Variants in CFHR3 observed in about 807,000 individuals in gnomAD.
CFHR3 encodes complement factor H related 3, also known as complement factor H-related protein 3.
A neutral mutation model predicts 36.0 loss-of-function variants in CFHR3; 22 were observed. The observed-to-expected ratio is 0.61, with a 90% CI of 0.44 to 0.87. The LOEUF is 0.87. Among genes scored for constraint, CFHR3 ranks in the 40% least tolerant of loss-of-function variants. The probability of loss-of-function intolerance (pLI) is 0.00; values close to 1 mark genes in which losing one functional copy is unlikely to be tolerated. For missense variants in CFHR3, 276 were observed against 401.3 expected, an observed-to-expected ratio of 0.69 and a Z score of 2.67; for synonymous variants, 97 against 137.4, an observed-to-expected ratio of 0.71 and a Z score of 2.06.
rs888010245 is a variant in CFHR3, at chr1:196,776,408, C to T, written c.58+1464C>T. Reference sequence around the variant, plus strand: ...TGTGAATTCAGTAGCATTGGCTCAACTGCATCCCGCCAAAATTCATTTGTT... The same window carrying T: ...TGTGAATTCAGTAGCATTGGCTCAATTGCATCCCGCCAAAATTCATTTGTT... On this transcript the variant is annotated intron_variant, in intron 1 of 5. Transcript: ENST00000367425. Among the ~76,000 whole-genome samples, 4 of 137,602 alleles carry T rather than the reference C, an allele frequency of 2.9e-5. 1 individual carries two copies. The highest frequency in any genetic ancestry group is 4.6e-5 in the Non-Finnish European group (3 of 64,638). The allele number at this position is 137,602 out of a possible 152,430, so 90.3% of individuals were successfully genotyped here.
chr1:196,785,988 T>A (rs1315410506), intron 3 of CFHR3, among the ~76,000 whole-genome samples: 2 of 135,724 alleles, frequency 1.5e-5, no homozygotes, highest in Non-Finnish European at 3.1e-5. Flanking sequence ...TTGGTGTGGA[T>A]GTCCTTTCTG....
At position 196,788,357 on chromosome 1, in the gene CFHR3, C is replaced by T. The variant is rs1368448906; in HGVS notation, c.572C>T (p.Thr191Ile). ...TADGNSSGSI[T>I]CLQNGWSAQP... ...GATGGAAATTCTTCAGGATCAATTA[C>T]ATGTTTGCAAAATGGATGGTCAGCA... Residue 191 changes from threonine to isoleucine, a missense_variant, in exon 4 of 6, where the codon ACA (threonine) becomes ATA (isoleucine). Transcript: ENST00000367425. 5.2e-6 allele frequency: 8 copies of T among 1,530,070 alleles called. 3 individuals are homozygous for T. The African/African-American group carries it at 1.2e-4, about 22-fold the overall frequency. The allele number at this position is 1,530,070 out of a possible 1,614,324, so 94.8% of individuals were successfully genotyped here.
intron 1 of CFHR3, among the ~76,000 whole-genome samples, chr1:196,776,859 A>G (rs1653743094): frequency 7.4e-6 from 1 of 135,320 alleles, no homozygotes; most frequent in African/African-American, 3.1e-5. Context: ...ATACCCACCA[A>G]CACAGATTTT....
Position 196,786,615 on chromosome 1 carries a change from G to A in CFHR3, c.431-1601G>A, listed in dbSNP as rs575262463. ...GCATAGGACCCTCTGAGCCAGGTGA[G>A]CGATATAATCTCCTGGTGTGCCGTT... On this transcript the variant is annotated intron_variant, in intron 3 of 5. Transcript: ENST00000367425. 9.4e-4 allele frequency among the ~76,000 whole-genome samples: 129 copies of A among 136,564 alleles called. 17 individuals are homozygous for A. In the East Asian group the frequency reaches 0.022, roughly 23 times the overall value. 89.6% of individuals were successfully genotyped at this position (136,564 alleles called of 152,430 possible).
At chr1:196,786,311 GA>G (rs1373365451) in intron 3 of CFHR3, among the ~76,000 whole-genome samples, 1 of 135,046 alleles carries the variant, frequency 7.4e-6, no homozygotes, top group Non-Finnish European at 1.6e-5. Flanking sequence ...TGCGTGCTGG[GA>G]GAACCACTGC....
Position 196,793,577 on chromosome 1 carries a change from T to C in CFHR3, c.*64T>C, listed in dbSNP as rs1207112410. ...TTTTCCACTTCTCACTCTTATGGTC[T>C]CAAAGCTTGCAAAGATAGCTTCTGA... On this transcript the variant is annotated 3_prime_UTR_variant, in exon 6 of 6. Transcript: ENST00000367425. The C allele has an allele frequency of 8.7e-6, 12 of 1,380,160 alleles. No homozygotes were observed. In the East Asian group the frequency reaches 2.7e-4, roughly 32 times the overall value. The allele number at this position is 1,380,160 out of a possible 1,614,324, so 85.5% of individuals were successfully genotyped here.
rs1342045779 is a variant in CFHR3 at position 196,777,171 on chromosome 1, C to T, written c.59-1991C>T. ...AAACTTGACAGAAAATTTGTAATTG[C>T]AACCTATTATAATGTTCATTGAATT... On this transcript the variant is annotated intron_variant, in intron 1 of 5. Transcript: ENST00000367425. Among the ~76,000 whole-genome samples, 19 of 136,514 alleles carry T rather than the reference C, an allele frequency of 1.4e-4. 6 individuals carry two copies. Among genetic ancestry groups the T allele is most frequent in the African/African-American group, 5.8e-4 (19 of 32,638 alleles). The allele number at this position is 136,514 out of a possible 152,430, so 89.6% of individuals were successfully genotyped here. A position where few individuals can be genotyped will look rare whatever the true frequency, so the allele number is the denominator to read the frequency against.
In CFHR3 at chr1:196,793,446, A is replaced by T; in HGVS notation, c.926A>T (p.Asn309Ile). The T allele has an allele frequency of 3.3e-6, 5 of 1,527,530 alleles. 1 individual carries two copies. The highest frequency in any genetic ancestry group is 3.5e-6 in the Non-Finnish European group (4 of 1,129,632). The allele number at this position is 1,527,530 out of a possible 1,614,324, so 94.6% of individuals were successfully genotyped here. A position where few individuals can be genotyped will look rare whatever the true frequency, so the allele number is the denominator to read the frequency against. ...ATGTGTAAATTGGGATATAATGCAA[A>T]TACATCAATTCTATCATTTCAAGCA... Reference protein sequence around the residue: ...EFMCKLGYNANTSILSFQAVC... With the variant: ...EFMCKLGYNAITSILSFQAVC... Residue 309 changes from asparagine (N) to isoleucine (I), a missense_variant, in exon 6 of 6, where the codon AAT becomes ATT. Asn to Ile is a moderately radical substitution (Grantham distance 149, BLOSUM62 -3). Coordinates refer to ENST00000367425, the MANE Select transcript of CFHR3 (RefSeq NM_021023.6).
intron 3 of CFHR3, among the ~76,000 whole-genome samples, chr1:196,783,893 T>G (rs536408052): frequency 7.4e-6 from 1 of 135,340 alleles, no homozygotes; most frequent in South Asian, 2.6e-4. Context: ...AATTGTGATG[T>G]TAGGGTGTCA....
intron 3 of CFHR3, among the ~76,000 whole-genome samples, chr1:196,781,915 T>G (rs1472308359): frequency 7.3e-6 from 1 of 136,796 alleles, no homozygotes; most frequent in Admixed American, 7.1e-5. Context: ...AGGTTTTCTT[T>G]TAGGGTTTTT....
chr1:196,793,541 C>T lies in CFHR3; in HGVS notation c.*28C>T, dbSNP rs892108044. ...CAGCATTGTTACCCTAAATGTATGT[C>T]CAACTTCCACTTTTCCACTTCTCAC... On this transcript the variant is annotated 3_prime_UTR_variant, in exon 6 of 6. Transcript: ENST00000367425. 3.3e-6 allele frequency: 5 copies of T among 1,495,108 alleles called. No individual in the cohort carries two copies. Among genetic ancestry groups the T allele is most frequent in the Non-Finnish European group, 4.5e-6 (5 of 1,103,004 alleles). 92.6% of individuals were successfully genotyped at this position (1,495,108 alleles called of 1,614,324 possible). A position where few individuals can be genotyped will look rare whatever the true frequency, so the allele number is the denominator to read the frequency against.
chr1:196,791,427 T>G lies in CFHR3; in HGVS notation c.796+1200T>G, dbSNP rs1198107325. 2.2e-5 allele frequency among the ~76,000 whole-genome samples: 3 copies of G among 133,602 alleles called. 1 individual carries two copies. The highest frequency in any genetic ancestry group is 9.7e-5 in the African/African-American group (3 of 30,828). 87.6% of individuals were successfully genotyped at this position (133,602 alleles called of 152,430 possible). A position where few individuals can be genotyped will look rare whatever the true frequency, so the allele number is the denominator to read the frequency against. On this transcript the variant is annotated intron_variant, in intron 5 of 5. Transcript: ENST00000367425. ...CCTGGGACACCCATCAGTCCTTGAA[T>G]GTCAGATAACCTATTCCTATCACAG...
chr1:196,779,256 C>T lies in CFHR3; in HGVS notation c.153C>T (p.Tyr51=), dbSNP rs764728533. 1.4e-5 allele frequency: 22 copies of T among 1,524,062 alleles called. No individual in the cohort carries two copies. The East Asian group carries it at 1.6e-4, about 11-fold the overall frequency. 94.4% of individuals were successfully genotyped at this position (1,524,062 alleles called of 1,614,324 possible). ...PYFPVAVGKY[Y]SYYCDEHFET... ...TTCCAGTAGCTGTAGGAAAATATTA[C>T]TCCTATTACTGTGATGAACATTTTG... Residue 51 remains tyrosine (Y), a synonymous_variant, in exon 2 of 6, where the codon TAC becomes TAT. Transcript: ENST00000367425.
chr1:196,784,766 G>A (rs1418316678), intron 3 of CFHR3, among the ~76,000 whole-genome samples: 1 of 132,754 alleles, frequency 7.5e-6, no homozygotes, highest in African/African-American at 3.2e-5. Context: ...CAATTTGCCA[G>A]TCTGTGTCTT....
chr1:196,785,612 T>C (rs1414811198), intron 3 of CFHR3, among the ~76,000 whole-genome samples: 1 of 137,510 alleles, frequency 7.3e-6, no homozygotes, highest in Non-Finnish European at 1.5e-5. Flanking sequence ...CTGAGGCTTC[T>C]GTATTCTTCA....
Position 196,793,527 on chromosome 1 carries a change from C to A in CFHR3, c.*14C>A. ...AGATGCGAATAAGGCAGCATTGTTA[C>A]CCTAAATGTATGTCCAACTTCCACT... is the stretch of plus-strand genomic sequence containing the variant. On this transcript the variant is annotated 3_prime_UTR_variant, in exon 6 of 6. Coordinates refer to ENST00000367425, the MANE Select transcript of CFHR3 (RefSeq NM_021023.6). The A allele has an allele frequency of 6.6e-7, 1 of 1,515,414 alleles. No individual in the cohort carries two copies. Among genetic ancestry groups the A allele is most frequent in the Non-Finnish European group, 8.9e-7 (1 of 1,120,238 alleles). 93.9% of individuals were successfully genotyped at this position (1,515,414 alleles called of 1,614,324 possible).
intron 3 of CFHR3, among the ~76,000 whole-genome samples, chr1:196,787,668 C>CT (rs1654263898): frequency 7.3e-6 from 1 of 136,606 alleles, no homozygotes; most frequent in East Asian, 1.9e-4. Context: ...TGCTTGCTTT[C>CT]TTTTTTCTGC....
intron 1 of CFHR3, among the ~76,000 whole-genome samples, chr1:196,778,907 T>C (rs1653836341): frequency 7.3e-6 from 1 of 136,754 alleles, no homozygotes; most frequent in Non-Finnish European, 1.5e-5. Flanking sequence ...AGAATGAGGT[T>C]CTTCTTGTCC....
intron 3 of CFHR3, among the ~76,000 whole-genome samples, chr1:196,784,095 C>G (rs1360852156): frequency 1.5e-5 from 2 of 136,304 alleles, no homozygotes; most frequent in African/African-American, 6.2e-5. Flanking sequence ...TGTTCAGTTT[C>G]CATGTAGTTG....
Sources: allele counts gnomAD v4.1 joint callset (sites outside exome capture counted in the v4.1 genomes callset), GRCh38; gene constraint gnomAD v4.1.1; transcripts MANE v1.5; gene names NCBI Gene and HGNC (gene_info 2026-07-23, HGNC 2026-07-21).